Variants in FOXK1 observed in about 807,000 individuals in gnomAD.
FOXK1 encodes the protein forkhead box protein K1.
FOXK1 carries 19 observed loss-of-function variants against 51.9 expected under a neutral mutation model. The ratio of observed to expected loss-of-function variants is 0.37; its 90% CI spans 0.26 to 0.54. The LOEUF (loss-of-function observed/expected upper bound fraction) is 0.54. FOXK1 is among the 20% of genes least tolerant of loss of function. The pLI, the probability that FOXK1 is intolerant of heterozygous loss-of-function variation, is 0.87. For synonymous variants in FOXK1, 537 were observed against 482.6 expected (o/e 1.11, Z -1.48); for missense variants, 870 against 1,032.7 (o/e 0.84, Z 2.16).
chr7:4,702,463 C>A (rs1780032942), intron 1 of FOXK1, among the ~76,000 whole-genome samples: 1 of 152,152 alleles, frequency 6.6e-6, no homozygotes. Context: ...CTGCCTCAGC[C>A]TCCGGAGTAG....
At chr7:4,736,079 G>A (rs899792372) in intron 1 of FOXK1, among the ~76,000 whole-genome samples, 1 of 152,142 alleles carries the variant, frequency 6.6e-6, no homozygotes, top group African/African-American at 2.4e-5. Context: ...AACCTGGGAG[G>A]CGGAGGTTGC....
chr7:4,719,006 A>G (rs1425462624), intron 1 of FOXK1, among the ~76,000 whole-genome samples: 5 of 152,014 alleles, frequency 3.3e-5, no homozygotes, highest in Non-Finnish European at 7.4e-5. Context: ...ACGGGGTTGC[A>G]CCATGTTGGT....
chr7:4,728,338 T>C (rs906339547), intron 1 of FOXK1, among the ~76,000 whole-genome samples: 1 of 152,220 alleles, frequency 6.6e-6, no homozygotes, highest in Non-Finnish European at 1.5e-5. Flanking sequence ...AGCACCCAGA[T>C]TTTAACCCTC....
rs140011348 is a variant in FOXK1 at position 4,724,613 on chromosome 7, G to A, written c.561-16225G>A. ...TCTGTGCCTCGTTGTGTGTGTGTGC[G>A]CTGCGTGGCTCCACGGCCCCCATCC... On this transcript the variant is annotated intron_variant, in intron 1 of 8. Coordinates refer to ENST00000328914, the MANE Select transcript of FOXK1 (RefSeq NM_001037165.2). Among the ~76,000 whole-genome samples the A allele has an allele frequency of 3.5e-3, 535 of 152,322 alleles. 1 individual carries two copies. The highest frequency in any genetic ancestry group is 0.011 in the African/African-American group (472 of 41,570).
Position 4,759,572 on chromosome 7 carries a change from T to C in FOXK1, c.1673T>C (p.Leu558Pro). 1 of 1,537,966 alleles carries C rather than the reference T, an allele frequency of 6.5e-7. No homozygotes were observed. The highest frequency in any genetic ancestry group is 1.2e-5 in the South Asian group (1 of 84,134). The change falls in exon 7 of 9, where the codon CTG (leucine) becomes CCG (proline). Residue 558 changes from leucine (L) to proline (P), a missense_variant. Physicochemically the swap from Leu to Pro is moderately conservative, Grantham distance 98. Transcript: ENST00000328914. ...CATGATGCGGCGGGCGCAGCCGTGCTGGACCTGGGCAGCGAGGCCAGAGGT... is the reference window on the plus strand; with the variant it reads ...CATGATGCGGCGGGCGCAGCCGTGCCGGACCTGGGCAGCGAGGCCAGAGGT... Reference protein sequence around the residue: ...GSHDAAGAAVLDLGSEARGLE... With the variant: ...GSHDAAGAAVPDLGSEARGLE...
At chr7:4,741,056 C>T (rs982810114) in intron 2 of FOXK1, 33 bp downstream of exon 2, 2 of 1,438,966 alleles carry the variant, frequency 1.4e-6, no homozygotes, top group Non-Finnish European at 1.8e-6. Flanking sequence ...CTTGGGCCCC[C>T]AGGAGAGAGG....
Position 4,723,526 on chromosome 7 carries a change from A to C in FOXK1, c.561-17312A>C, listed in dbSNP as rs7786525. ...AGCCCCGAGCCTTCCTGTTGCCTCT[A>C]GGGCCTGTCCATCCCGTCAGCCCAC... On this transcript the variant is annotated intron_variant, in intron 1 of 8. Coordinates refer to ENST00000328914, the MANE Select transcript of FOXK1 (RefSeq NM_001037165.2). The surrounding 1 kb of genome is among the most constrained non-coding windows in gnomAD (Gnocchi z 4.7). 0.88 allele frequency among the ~76,000 whole-genome samples: 133,291 copies of C among 151,998 alleles called. 58,750 individuals carry two copies. The highest frequency in any genetic ancestry group is 0.97 in the African/African-American group (40,114 of 41,486).
Position 4,715,710 on chromosome 7 carries a change from C to T in FOXK1, c.561-25128C>T, listed in dbSNP as rs762460595. Among the ~76,000 whole-genome samples, 9 of 152,194 alleles carry T rather than the reference C, an allele frequency of 5.9e-5. No individual in the cohort carries two copies. Among genetic ancestry groups the T allele is most frequent in the Non-Finnish European group, 8.8e-5 (6 of 68,044 alleles). ...TGTCAAGTCAGTCTGTAGTGCACGC[C>T]GTTAGATTGGTTGTCATTGGCCAAG... On this transcript the variant is annotated intron_variant, in intron 1 of 8. Coordinates refer to ENST00000328914, the MANE Select transcript of FOXK1 (RefSeq NM_001037165.2). This position sits in a 1 kb window ranked among gnomAD's most constrained non-coding sequence, Gnocchi z 4.5.
chr7:4,705,962 A>G lies in FOXK1; in HGVS notation c.560+23094A>G, dbSNP rs943434070. Among the ~76,000 whole-genome samples, 548 of 105,744 alleles carry G rather than the reference A, an allele frequency of 5.2e-3. 26 individuals carry two copies. The highest frequency in any genetic ancestry group is 0.035 in the African/African-American group (492 of 14,044). The allele number at this position is 105,744 out of a possible 152,430, so 69.4% of individuals were successfully genotyped here. A position where few individuals can be genotyped will look rare whatever the true frequency, so the allele number is the denominator to read the frequency against. On this transcript the variant is annotated intron_variant, in intron 1 of 8. Coordinates refer to ENST00000328914, the MANE Select transcript of FOXK1 (RefSeq NM_001037165.2). ...CTTTCAAAATTATATATATATATGT[A>G]TATATATATACGTATATATACGTAT...
chr7:4,699,635 C>T (rs192040240), intron 1 of FOXK1, among the ~76,000 whole-genome samples: 1 of 152,022 alleles, frequency 6.6e-6, no homozygotes, highest in South Asian at 2.1e-4. Flanking sequence ...TCCACAGTGC[C>T]GGGATTACAG....
Position 4,682,667 on chromosome 7 carries a change from A to G in FOXK1, c.359A>G (p.Gln120Arg), listed in dbSNP as rs1209884939. Residue 120 changes from glutamine to arginine, a missense_variant, in exon 1 of 9, where the codon CAG becomes CGG. Physicochemically the swap from Gln to Arg is conservative, Grantham distance 43. Around this residue, in one of 3 missense-constraint regions of FOXK1, gnomAD observed 399 missense variants for 475.6 expected, o/e 0.84. Transcript: ENST00000328914. This position sits in a 1 kb window ranked among gnomAD's most constrained non-coding sequence, Gnocchi z 7.6. ...EGREFEFLMR[Q>R]PSVTIGRNSS... ...CGCGAGTTCGAGTTCCTCATGCGCC[A>G]GCCCAGCGTCACCATCGGCCGCAAC... The G allele has an allele frequency of 6.3e-7, 1 of 1,589,254 alleles. No homozygotes were observed. Among genetic ancestry groups the G allele is most frequent in the Non-Finnish European group, 8.5e-7 (1 of 1,173,486 alleles).
Position 4,758,930 on chromosome 7 carries a change from G to A in FOXK1, c.1245-121G>A. 2 of 1,075,442 alleles carry A rather than the reference G, an allele frequency of 1.9e-6. No homozygotes were observed. The highest frequency in any genetic ancestry group is 2.5e-5 in the East Asian group (1 of 39,664). The allele number at this position is 1,075,442 out of a possible 1,614,324, so 66.6% of individuals were successfully genotyped here. A position where few individuals can be genotyped will look rare whatever the true frequency, so the allele number is the denominator to read the frequency against. Reference sequence around the variant, plus strand: ...CGTTTCTCACCGTCTGAATGCGGAGGACAGAGACGAGCTCCAGGGAGCGTG... The same window carrying A: ...CGTTTCTCACCGTCTGAATGCGGAGAACAGAGACGAGCTCCAGGGAGCGTG... On this transcript the variant is annotated intron_variant, in intron 5 of 8. Transcript: ENST00000328914. This position sits in a 1 kb window ranked among gnomAD's most constrained non-coding sequence, Gnocchi z 4.4.
chr7:4,737,493 CGTGGGT>C (rs2115058880), intron 1 of FOXK1, among the ~76,000 whole-genome samples: 1 of 149,752 alleles, frequency 6.7e-6, no homozygotes, highest in African/African-American at 2.5e-5. Context: ...TGGGCGTGTG[CGTGGGT>C]GTGTGGGCGT....
Position 4,763,182 on chromosome 7 carries a change from C to G in FOXK1, c.*718C>G, listed in dbSNP as rs1467903668. On this transcript the variant is annotated 3_prime_UTR_variant, in exon 9 of 9. Coordinates refer to ENST00000328914, the MANE Select transcript of FOXK1 (RefSeq NM_001037165.2). The stretch of plus-strand genomic sequence containing the variant: ...GGGTTCCCGCTGGGTTTAATCCCCT[C>G]GAAGAGTAAACCTGCCGCTCTGTCT... The G allele has an allele frequency of 1.3e-5, 2 of 152,164 alleles. No individual in the cohort carries two copies. Among genetic ancestry groups the G allele is most frequent in the African/African-American group, 4.8e-5 (2 of 41,412 alleles). The allele number at this position is 152,164 out of a possible 1,614,324, so 9.4% of individuals were successfully genotyped here. A position where few individuals can be genotyped will look rare whatever the true frequency, so the allele number is the denominator to read the frequency against.
At chr7:4,686,049 C>T (rs186371526) in intron 1 of FOXK1, among the ~76,000 whole-genome samples, 23 of 152,116 alleles carry the variant, frequency 1.5e-4, no homozygotes, top group African/African-American at 5.3e-4. Context: ...AAGTTAGATG[C>T]GTAAGTTTTT....
chr7:4,751,896 C>T (rs559813197), intron 2 of FOXK1, among the ~76,000 whole-genome samples: 1 of 152,358 alleles, frequency 6.6e-6, no homozygotes, highest in African/African-American at 2.4e-5. Flanking sequence ...TTCTTATTTC[C>T]ACTTGAAATC....
chr7:4,708,425 G>A (rs954151305), intron 1 of FOXK1, among the ~76,000 whole-genome samples: 9 of 152,260 alleles, frequency 5.9e-5, no homozygotes, highest in African/African-American at 2.2e-4. Context: ...AGTGGATCTT[G>A]GGAAGAGACC....
intron 1 of FOXK1, among the ~76,000 whole-genome samples, chr7:4,727,605 C>T (rs964129589): frequency 1.3e-5 from 2 of 152,338 alleles, no homozygotes; most frequent in East Asian, 1.9e-4. Context: ...TTAGCCACGG[C>T]GCCCGGCCTG....
chr7:4,752,117 TA>T (rs930770958), intron 2 of FOXK1, among the ~76,000 whole-genome samples: 6 of 152,260 alleles, frequency 3.9e-5, no homozygotes, highest in Non-Finnish European at 7.3e-5. Flanking sequence ...CACGCCCAGC[TA>T]ATTTTTAAAA....
Sources: gnomAD v4.1 joint callset for allele counts (sites outside exome capture counted in the v4.1 genomes callset) on GRCh38, gnomAD v4.1.1 for gene constraint, gnomAD v4.1.1 regional missense constraint, Gnocchi (gnomAD v3.1) non-coding constraint, MANE v1.5 for transcripts, NCBI Gene and HGNC (gene_info 2026-07-23, HGNC 2026-07-21) for gene names.